PAX8: variants seen among roughly 807,000 people sequenced by gnomAD.
PAX8 encodes paired box 8.
Under a neutral mutation model 52.4 loss-of-function variants are expected in PAX8, and 15 were observed. The ratio of observed to expected loss-of-function variants is 0.29; its 90% CI spans 0.19 to 0.44. PAX8 has a LOEUF of 0.44. PAX8 is among the 20% of genes least tolerant of loss of function. PAX8 has a pLI of 1.00. For missense variants in PAX8, 554 were observed against 602.5 expected (o/e 0.92, Z 0.84); for synonymous variants, 284 against 249.7 (o/e 1.14, Z -1.29).
intron 2 of PAX8, among the ~76,000 whole-genome samples, chr2:113,260,878 T>G (rs1692618446): frequency 1.4e-5 from 2 of 148,116 alleles, no homozygotes; most frequent in African/African-American, 2.5e-5. Context: ...AGTGACTGTT[T>G]TGTGTGTGTG....
At chr2:113,261,504 C>A (rs1369936293) in intron 2 of PAX8, among the ~76,000 whole-genome samples, 1 of 152,186 alleles carries the variant, frequency 6.6e-6, no homozygotes, top group Non-Finnish European at 1.5e-5. Flanking sequence ...TGCCACATGA[C>A]TTGCATGGTA....
chr2:113,229,206 T>C (rs1032796181), intron 9 of PAX8, among the ~76,000 whole-genome samples: 14 of 152,188 alleles, frequency 9.2e-5, no homozygotes, highest in African/African-American at 3.4e-4. Context: ...ATACTGCTTC[T>C]GTGGCTAGTT....
Position 113,241,564 on chromosome 2 carries a change from G to T in PAX8, c.764C>A (p.Thr255Asn), listed in dbSNP as rs551891371. The change falls in exon 7 of 12, where the codon ACC becomes AAC. Residue 255 changes from threonine (T) to asparagine (N), a missense_variant. Transcript: ENST00000429538. ...YPEAYASPSH[T>N]KGEQGLYPLP... ...CCAGCTTCTCACCTGCTCGCCTTTG[G>T]TGTGGCTGGGGGAGGCATAGGCCTC... 1 of 1,611,006 alleles carries T rather than the reference G, an allele frequency of 6.2e-7. No individual in the cohort carries two copies. The highest frequency in any genetic ancestry group is 1.3e-5 in the African/African-American group (1 of 74,894).
intron 2 of PAX8, among the ~76,000 whole-genome samples, chr2:113,254,636 G>T (rs1418385204): frequency 6.6e-6 from 1 of 152,084 alleles, no homozygotes; most frequent in Non-Finnish European, 1.5e-5. Context: ...TTTTCTTCAT[G>T]GCAAAGTCCA....
chr2:113,257,995 A>T (rs1374597819), intron 2 of PAX8, among the ~76,000 whole-genome samples: 1 of 152,212 alleles, frequency 6.6e-6, no homozygotes, highest in Non-Finnish European at 1.5e-5. Flanking sequence ...GAGCTCTCAG[A>T]TGCCATAGTG....
At chr2:113,255,832 A>C (rs1430562778) in intron 2 of PAX8, among the ~76,000 whole-genome samples, 2 of 152,068 alleles carry the variant, frequency 1.3e-5, no homozygotes, top group African/African-American at 4.8e-5. Context: ...TCAGGGGAAA[A>C]AACCACGAGA....
intron 2 of PAX8, among the ~76,000 whole-genome samples, chr2:113,258,079 T>G (rs890868156): frequency 6.6e-6 from 1 of 152,186 alleles, no homozygotes; most frequent in Admixed American, 6.5e-5. Flanking sequence ...ATTCCAGGAA[T>G]AGCCAGACCC....
At chr2:113,259,345 AGAGAAGCCTCCCAGAAGCAACCTTCC>A (rs1436902470) in intron 2 of PAX8, 1 of 152,780 alleles carries the variant, frequency 6.5e-6, no homozygotes, top group Non-Finnish European at 1.5e-5. Context: ...AAGCCCAGGG[AGAGAAGCCTCCCAGAAGCAACCTTCC>A]AGAACCTTCT....
chr2:113,256,360 C>T (rs1025765158), intron 2 of PAX8, among the ~76,000 whole-genome samples: 1 of 152,108 alleles, frequency 6.6e-6, no homozygotes, highest in South Asian at 2.1e-4. Context: ...ATTGGATCTC[C>T]GAAGGGCTGG....
In PAX8 at chr2:113,216,244, T is replaced by C. The variant is rs1176715250; in HGVS notation, c.*2289A>G. Reference sequence around the variant, plus strand: ...CGCGCTGCAGAGGGAAGTTCTGCCATTGAAAAACCAGCCGCATCTCAGATC... The same window carrying C: ...CGCGCTGCAGAGGGAAGTTCTGCCACTGAAAAACCAGCCGCATCTCAGATC... On this transcript the variant is annotated 3_prime_UTR_variant, in exon 12 of 12. Transcript: ENST00000429538. 3 of 230,860 alleles carry C rather than the reference T, an allele frequency of 1.3e-5. No individual in the cohort carries two copies. Among genetic ancestry groups the C allele is most frequent in the South Asian group, 3.6e-4 (2 of 5,492 alleles). 14.3% of individuals were successfully genotyped at this position (230,860 alleles called of 1,614,324 possible).
In PAX8 at chr2:113,275,633, T is replaced by C. The variant is rs923695404; in HGVS notation, c.25+2737A>G. 10 of 152,358 alleles carry C rather than the reference T, an allele frequency of 6.6e-5. 1 individual carries two copies. In the East Asian group the frequency reaches 1.7e-3, roughly 26 times the overall value. The allele number at this position is 152,358 out of a possible 1,614,324, so 9.4% of individuals were successfully genotyped here. A position where few individuals can be genotyped will look rare whatever the true frequency, so the allele number is the denominator to read the frequency against. On this transcript the variant is annotated intron_variant, in intron 2 of 11. Coordinates refer to ENST00000429538, the MANE Select transcript of PAX8 (RefSeq NM_003466.4). ...AGATAACTTTTAATGACAGCCAGCC[T>C]GCTTGCTTTTACAAAACTCTCTTCC... is the stretch of plus-strand genomic sequence containing the variant.
At position 113,226,196 on chromosome 2, in the gene PAX8, C is replaced by A; in HGVS notation, c.1189+959G>T. On this transcript the variant is annotated intron_variant, in intron 10 of 11. Coordinates refer to ENST00000429538, the MANE Select transcript of PAX8 (RefSeq NM_003466.4). Reference sequence around the variant, plus strand: ...GGTGGCTGGCAAAGATTAACTCCTGCCGGCAAGGAAGGGAAGCAGGCCTAG... The same window carrying A: ...GGTGGCTGGCAAAGATTAACTCCTGACGGCAAGGAAGGGAAGCAGGCCTAG... 3 of 985,374 alleles carry A rather than the reference C, an allele frequency of 3.0e-6. No individual in the cohort carries two copies. The South Asian group carries it at 1.4e-4, about 46-fold the overall frequency. 61.0% of individuals were successfully genotyped at this position (985,374 alleles called of 1,614,324 possible).
chr2:113,222,611 C>T (rs887514653), intron 10 of PAX8, among the ~76,000 whole-genome samples: 2 of 152,150 alleles, frequency 1.3e-5, no homozygotes, highest in Non-Finnish European at 2.9e-5. Context: ...AGGATTTGGC[C>T]GCTCCAATGA....
chr2:113,260,721 CCT>C (rs1183367178), intron 2 of PAX8, among the ~76,000 whole-genome samples: 3 of 152,242 alleles, frequency 2.0e-5, no homozygotes, highest in African/African-American at 7.2e-5. Context: ...AACTAAATGA[CCT>C]CTAAGTTTCT....
At chr2:113,220,665 C>T (rs1689224114) in intron 10 of PAX8, among the ~76,000 whole-genome samples, 1 of 152,084 alleles carries the variant, frequency 6.6e-6, no homozygotes, top group South Asian at 2.1e-4. Context: ...CCAAAGAGGA[C>T]ATCCATATAT....
At position 113,227,204 on chromosome 2, in the gene PAX8, G is replaced by A; in HGVS notation, c.1140C>T (p.Thr380=). The part of the protein sequence containing the change: ...TLPGYPPHIP[T]SGQGSYASSA... ...AGGAGGCATAGCTGCCCTGTCCGCT[G>A]GTGGGGATGTGGGGTGGGTATCCGG... is the stretch of plus-strand genomic sequence containing the variant. Residue 380 remains threonine, a synonymous_variant, in exon 10 of 12, where the codon ACC becomes ACT. Coordinates refer to ENST00000429538, the MANE Select transcript of PAX8 (RefSeq NM_003466.4). 10 of 1,610,764 alleles carry A rather than the reference G, an allele frequency of 6.2e-6. No homozygotes were observed. Among genetic ancestry groups the A allele is most frequent in the Non-Finnish European group, 8.5e-6 (10 of 1,178,884 alleles).
chr2:113,277,003 A>G lies in PAX8; in HGVS notation c.25+1367T>C, dbSNP rs1573560824. Among the ~76,000 whole-genome samples the G allele has an allele frequency of 4.6e-5, 7 of 152,306 alleles. No homozygotes were observed. In the South Asian group the frequency reaches 1.4e-3, roughly 32 times the overall value. Reference sequence around the variant, plus strand: ...GACTAAAACCTGATCCTGACCTTAGATAGTGGCCTAGGAGCGCTCGTGGTT... The same window carrying G: ...GACTAAAACCTGATCCTGACCTTAGGTAGTGGCCTAGGAGCGCTCGTGGTT... On this transcript the variant is annotated intron_variant, in intron 2 of 11. Transcript: ENST00000429538.
At chr2:113,224,846 TAAAATAAAATAAA>T (rs1689471849) in intron 10 of PAX8, among the ~76,000 whole-genome samples, 1 of 15,796 alleles carries the variant, frequency 6.3e-5, no homozygotes, top group Non-Finnish European at 4.5e-4. Context: ...AAATATAAAA[TAAAATAAAATAAA>T]ATAAAATAAA....
intron 8 of PAX8, 142 bp downstream of exon 8, chr2:113,236,459 G>A: frequency 1.2e-6 from 1 of 853,580 alleles, no homozygotes; most frequent in South Asian, 1.8e-5. Context: ...CCGGAGGCGC[G>A]ACCCCTGGGC....
Sources: allele counts gnomAD v4.1 joint callset (sites outside exome capture counted in the v4.1 genomes callset), GRCh38; gene constraint gnomAD v4.1.1; transcripts MANE v1.5; gene names NCBI Gene and HGNC (gene_info 2026-07-23, HGNC 2026-07-21).